The following RNF212B variants were observed in gnomAD, a reference collection of about 807,000 sequenced individuals.
RNF212B encodes ring finger protein 212B.
Under a neutral mutation model 55.5 loss-of-function variants are expected in RNF212B, and 52 were observed. That is an observed-to-expected ratio of 0.94 (90% CI 0.75 to 1.18). The LOEUF (loss-of-function observed/expected upper bound fraction) is 1.18. Ranked by LOEUF, RNF212B falls within the 50% of genes most tolerant of loss-of-function variation. The pLI is 0.00. For missense variants in RNF212B, 289 were observed against 350.4 expected (o/e 0.82, Z 1.40); for synonymous variants, 99 against 121.4 (o/e 0.82, Z 1.21).
At chr14:23,247,277 T>A (rs1884055927) in intron 4 of RNF212B, among the ~76,000 whole-genome samples, 1 of 152,110 alleles carries the variant, frequency 6.6e-6, no homozygotes, top group Non-Finnish European at 1.5e-5. Context: ...ACCATAAAAT[T>A]TACCCTTTTA....
intron 2 of RNF212B, among the ~76,000 whole-genome samples, chr14:23,229,808 A>G (rs1049992200): frequency 1.3e-5 from 2 of 152,192 alleles, no homozygotes; most frequent in African/African-American, 4.8e-5. Flanking sequence ...AACCCAGACT[A>G]CTAGCGCACA....
intron 2 of RNF212B, among the ~76,000 whole-genome samples, chr14:23,216,021 G>A (rs376675146): frequency 2.1e-4 from 32 of 151,844 alleles, no homozygotes; most frequent in African/African-American, 5.8e-4. Flanking sequence ...CAAGGCGGGC[G>A]GATCACGAGA....
At chr14:23,268,855 C>A (rs1885873380) in intron 11 of RNF212B, 69 bp from the exon 12 acceptor site, 2 of 1,313,162 alleles carry the variant, frequency 1.5e-6, no homozygotes, top group Non-Finnish European at 2.1e-6. Flanking sequence ...TTTGCCCTGG[C>A]CCCAAGTATA....
upstream of RNF212B, among the ~76,000 whole-genome samples, chr14:23,237,394 T>C (rs1317580617): frequency 6.6e-6 from 1 of 152,112 alleles, no homozygotes; most frequent in African/African-American, 2.4e-5. Flanking sequence ...CCTCCCAAGG[T>C]GCTGGGATTA....
intron 2 of RNF212B, among the ~76,000 whole-genome samples, chr14:23,218,367 C>CAA (rs35628249): frequency 2.3e-4 from 22 of 94,296 alleles, no homozygotes; most frequent in Admixed American, 3.9e-4. Context: ...GAGTCTATCT[C>CAA]AAAAAAAAAA....
intron 4 of RNF212B, among the ~76,000 whole-genome samples, chr14:23,257,426 T>C (rs1884928875): frequency 6.6e-6 from 1 of 152,194 alleles, no homozygotes; most frequent in African/African-American, 2.4e-5. Context: ...TATCTAAAAC[T>C]AGTTTAGTTT....
intron 9 of RNF212B, 90 bp downstream of exon 9, chr14:23,263,060 T>C (rs1252828569): frequency 2.5e-6 from 3 of 1,203,278 alleles, no homozygotes; most frequent in Non-Finnish European, 3.6e-6. Context: ...ACTGATGAAA[T>C]TTTAGGTCTA....
intron 2 of RNF212B, among the ~76,000 whole-genome samples, chr14:23,193,806 G>A (rs1341168966): frequency 6.6e-6 from 1 of 151,408 alleles, no homozygotes; most frequent in Non-Finnish European, 1.5e-5. Flanking sequence ...GTTATTAGAA[G>A]TTTTGTAGTA....
At chr14:23,193,211 A>G (rs1325282219) in intron 1 of RNF212B, 2 of 151,984 alleles carry the variant, frequency 1.3e-5, no homozygotes, top group African/African-American at 4.8e-5. Flanking sequence ...AAGGAATATG[A>G]TTTTCAACTC....
At position 23,240,377 on chromosome 14, in the gene RNF212B, G is replaced by A. The variant is rs921096044; in HGVS notation, c.32G>A (p.Arg11Gln). ...TGGTTTCATTGCAACCAGTGCTTCC[G>A]AAAAGATGGGGCCCATTTCTTTGTC... Reference protein sequence around the residue: MDWFHCNQCFRKDGAHFFVTS... With the variant: MDWFHCNQCFQKDGAHFFVTS... Residue 11 changes from arginine to glutamine, a missense_variant, in exon 2 of 15, where the codon CGA (arginine) becomes CAA (glutamine). Coordinates refer to ENST00000430154, the MANE Select transcript of RNF212B (RefSeq NM_001282322.3). The A allele has an allele frequency of 5.2e-6, 8 of 1,550,214 alleles. No individual in the cohort carries two copies. In the East Asian group the frequency reaches 7.3e-5, roughly 14 times the overall value.
At chr14:23,264,511 C>T in intron 10 of RNF212B, 112 bp from the exon 11 acceptor site, 4 of 809,230 alleles carry the variant, frequency 4.9e-6, no homozygotes, top group Non-Finnish European at 7.5e-6. Flanking sequence ...CTAGTATGCC[C>T]ACTGCAGTAG....
intron 2 of RNF212B, among the ~76,000 whole-genome samples, chr14:23,232,600 G>C (rs1209349578): frequency 6.6e-6 from 1 of 151,654 alleles, no homozygotes; most frequent in African/African-American, 2.4e-5. Context: ...GGAGTTGGGG[G>C]GTCAGCCCCC....
At chr14:23,240,530 GGATAAAAATCACTTATTA>G in intron 2 of RNF212B, 85 bp downstream of exon 2, 2 of 806,218 alleles carry the variant, frequency 2.5e-6, no homozygotes, top group Admixed American at 5.2e-5. Context: ...GTGTGACTTA[GGATAAAAATCACTTATTA>G]GGTCAATGGT....
intron 1 of RNF212B, among the ~76,000 whole-genome samples, chr14:23,238,548 A>G (rs1883301136): frequency 1.3e-5 from 2 of 151,722 alleles, no homozygotes; most frequent in African/African-American, 4.8e-5. Context: ...GGTAACACAG[A>G]GAGGCCTTGT....
At chr14:23,254,367 G>A (rs1349925757) in intron 4 of RNF212B, among the ~76,000 whole-genome samples, 1 of 151,778 alleles carries the variant, frequency 6.6e-6, no homozygotes, top group African/African-American at 2.4e-5. Context: ...GGGCATGGTG[G>A]CTCACTCCTA....
intron 1 of RNF212B, chr14:23,193,246 T>G (rs374486202): frequency 3.3e-5 from 5 of 152,208 alleles, no homozygotes; most frequent in African/African-American, 1.2e-4. Context: ...AGCCAAAGTA[T>G]CAATCAAAAG....
chr14:23,187,482 G>A (rs1457543221), intron 1 of RNF212B, among the ~76,000 whole-genome samples: 1 of 152,108 alleles, frequency 6.6e-6, no homozygotes, highest in Non-Finnish European at 1.5e-5. Flanking sequence ...CCGAGTAGCT[G>A]GGACTACAGA....
At chr14:23,201,582 T>C (rs1451606605) in intron 2 of RNF212B, among the ~76,000 whole-genome samples, 2 of 152,182 alleles carry the variant, frequency 1.3e-5, no homozygotes, top group Non-Finnish European at 2.9e-5. Flanking sequence ...ATAAGCCAAA[T>C]TATATTATTT....
chr14:23,261,856 T>G (rs965485532), intron 7 of RNF212B, among the ~76,000 whole-genome samples: 1 of 151,588 alleles, frequency 6.6e-6, no homozygotes, highest in Non-Finnish European at 1.5e-5. Context: ...TCCCAGCTGC[T>G]CGGGAGGCTG....
Sources: allele counts gnomAD v4.1 joint callset (sites outside exome capture counted in the v4.1 genomes callset), GRCh38; gene constraint gnomAD v4.1.1; transcripts MANE v1.5; gene names NCBI Gene and HGNC (gene_info 2026-07-23, HGNC 2026-07-21).